ADAMTS15: variants seen among roughly 807,000 people sequenced by gnomAD.
The protein encoded by ADAMTS15 is A disintegrin and metalloproteinase with thrombospondin motifs 15.
In ADAMTS15, 35 loss-of-function variants were observed where a neutral mutation model predicts 79.1. The observed-to-expected ratio is 0.44, with a 90% CI of 0.34 to 0.59. The LOEUF (loss-of-function observed/expected upper bound fraction) is 0.59, where lower values mean the gene tolerates loss of function less well. Ranked by LOEUF, ADAMTS15 falls within the 20% of genes least tolerant of loss-of-function variation. The pLI, the probability that ADAMTS15 is intolerant of heterozygous loss-of-function variation, is 0.02. For missense variants in ADAMTS15, 1,324 were observed against 1,318.7 expected (o/e 1.00, Z -0.06); for synonymous variants, 616 against 567.3 (o/e 1.09, Z -1.22).
intron 1 of ADAMTS15, among the ~76,000 whole-genome samples, chr11:130,452,416 G>A (rs922499647): frequency 4.6e-5 from 7 of 152,304 alleles, no homozygotes; most frequent in African/African-American, 1.7e-4. Context: ...GAGCCAGAGT[G>A]TTTCTCATTT....
In ADAMTS15 at chr11:130,448,851, G is replaced by T; in HGVS notation, c.-123G>T. On this transcript the variant is annotated 5_prime_UTR_variant, in exon 1 of 8. Transcript: ENST00000299164. ...CTCCCTCCCTTGGCTCTCCTTTCTG[G>T]GAACTGCCGGCTGTCCCGTAGCGTT... The T allele has an allele frequency of 2.8e-6, 2 of 719,694 alleles. No homozygotes were observed. The highest frequency in any genetic ancestry group is 4.0e-6 in the Non-Finnish European group (2 of 505,704). 44.6% of individuals were successfully genotyped at this position (719,694 alleles called of 1,614,324 possible).
chr11:130,470,163 T>TATAC (rs1555081030), intron 5 of ADAMTS15, among the ~76,000 whole-genome samples: 6 of 55,050 alleles, frequency 1.1e-4, no homozygotes, highest in South Asian at 9.6e-4. Flanking sequence ...TGTATATATA[T>TATAC]ATATATATAT....
chr11:130,453,529 G>T (rs1383089289), intron 1 of ADAMTS15, among the ~76,000 whole-genome samples: 2 of 152,000 alleles, frequency 1.3e-5, no homozygotes, highest in East Asian at 3.9e-4. Flanking sequence ...AACTCCTGGG[G>T]TCAAGTAATA....
At position 130,473,394 on chromosome 11, in the gene ADAMTS15, C is replaced by G. The variant is rs752169369; in HGVS notation, c.2426C>G (p.Ser809Cys). The change falls in exon 8 of 8, where the codon TCC (serine) becomes TGC (cysteine). Residue 809 changes from serine to cysteine, a missense_variant. By Grantham distance (112) the Ser-to-Cys change is moderately radical. Transcript: ENST00000299164. ...CCCAAAGAGCCTCGGGAGGACAAGT[C>G]CTCTCATCCCAAGGACCCCCGGGGA... is the stretch of plus-strand genomic sequence containing the variant. The part of the protein sequence containing the change: ...YLPKEPREDK[S>C]SHPKDPRGPS... 1.2e-6 allele frequency: 2 copies of G among 1,612,810 alleles called. No individual in the cohort carries two copies. Among genetic ancestry groups the G allele is most frequent in the Non-Finnish European group, 1.7e-6 (2 of 1,179,992 alleles).
At chr11:130,467,516 TG>T (rs1353702140) in intron 4 of ADAMTS15, among the ~76,000 whole-genome samples, 2 of 152,162 alleles carry the variant, frequency 1.3e-5, no homozygotes, top group Admixed American at 1.3e-4. Flanking sequence ...TGAATAAATA[TG>T]CTGGATATGT....
intron 4 of ADAMTS15, among the ~76,000 whole-genome samples, chr11:130,464,743 G>T (rs1302918306): frequency 6.6e-6 from 1 of 152,072 alleles, no homozygotes; most frequent in Non-Finnish European, 1.5e-5. Flanking sequence ...GAGGCAAGAG[G>T]ATCCCTTGAG....
chr11:130,474,019 C>T lies in ADAMTS15; in HGVS notation c.*198C>T, dbSNP rs867900583. 1.9e-4 allele frequency: 139 copies of T among 746,280 alleles called. No homozygotes were observed. The highest frequency in any genetic ancestry group is 2.3e-4 in the Non-Finnish European group (108 of 477,424). 46.2% of individuals were successfully genotyped at this position (746,280 alleles called of 1,614,324 possible). A position where few individuals can be genotyped will look rare whatever the true frequency, so the allele number is the denominator to read the frequency against. ...GGGCAGAGGGAAGCCCAGGAACTCC[C>T]GCACAGTCTACCTCAGGCCCCGCTC... On this transcript the variant is annotated 3_prime_UTR_variant, in exon 8 of 8. Coordinates refer to ENST00000299164, the MANE Select transcript of ADAMTS15 (RefSeq NM_139055.4).
rs1938219917 is a variant in ADAMTS15, at chr11:130,462,388, A to G, written c.1259-109A>G. 1 of 1,492,598 alleles carries G rather than the reference A, an allele frequency of 6.7e-7. No homozygotes were observed. 92.5% of individuals were successfully genotyped at this position (1,492,598 alleles called of 1,614,324 possible). ...CCCCTCGGAGCCGGGCTCTGACATG[A>G]GTGCATTCCTGTTGCCCTTGGTTCA... On this transcript the variant is annotated intron_variant, in intron 3 of 7. Coordinates refer to ENST00000299164, the MANE Select transcript of ADAMTS15 (RefSeq NM_139055.4). This position sits in a 1 kb window ranked among gnomAD's most constrained non-coding sequence, Gnocchi z 4.3.
chr11:130,470,168 ATATATATATATATGTGTG>A (rs1332424126), intron 5 of ADAMTS15, among the ~76,000 whole-genome samples: 6 of 58,652 alleles, frequency 1.0e-4, no homozygotes, highest in South Asian at 4.4e-4. Context: ...ATATATATAT[ATATATATATATATGTGTG>A]TATATATATA....
At chr11:130,471,817 G>T (rs145659743) in intron 7 of ADAMTS15, among the ~76,000 whole-genome samples, 2 of 152,226 alleles carry the variant, frequency 1.3e-5, no homozygotes, top group Non-Finnish European at 1.5e-5. Context: ...GTGTGCTCTT[G>T]TGGGGAATAA....
At chr11:130,455,301 C>T (rs73044862) in intron 1 of ADAMTS15, among the ~76,000 whole-genome samples, 6,613 of 152,262 alleles carry the variant, frequency 0.043, 209 homozygotes, top group East Asian at 0.098. Context: ...TTGCCAAACT[C>T]AAGTTTGGGA....
intron 1 of ADAMTS15, among the ~76,000 whole-genome samples, chr11:130,452,362 G>A (rs1038435270): frequency 6.6e-6 from 1 of 152,180 alleles, no homozygotes; most frequent in African/African-American, 2.4e-5. Flanking sequence ...ATAACAGCAG[G>A]GTGAGGTCAG....
chr11:130,473,509 C>T lies in ADAMTS15; in HGVS notation c.2541C>T (p.Ser847=). ...DRPPARWVAG[S]WGPCSASCGS... Reference sequence around the variant, plus strand: ...CCCCTGCACGCTGGGTGGCTGGCAGCTGGGGGCCGTGCTCCGCGAGCTGCG... The same window carrying T: ...CCCCTGCACGCTGGGTGGCTGGCAGTTGGGGGCCGTGCTCCGCGAGCTGCG... Residue 847 remains serine, a synonymous_variant, in exon 8 of 8, where the codon AGC becomes AGT. Coordinates refer to ENST00000299164, the MANE Select transcript of ADAMTS15 (RefSeq NM_139055.4). The T allele has an allele frequency of 1.9e-6, 3 of 1,609,952 alleles. No homozygotes were observed. The highest frequency in any genetic ancestry group is 2.5e-6 in the Non-Finnish European group (3 of 1,178,024).
chr11:130,452,709 G>C (rs756592951), intron 1 of ADAMTS15, among the ~76,000 whole-genome samples: 1 of 152,192 alleles, frequency 6.6e-6, no homozygotes, highest in African/African-American at 2.4e-5. Flanking sequence ...TTGGCCGGGC[G>C]CAGTGGCTCA....
At chr11:130,457,535 G>A (rs575519613) in intron 1 of ADAMTS15, among the ~76,000 whole-genome samples, 30 of 152,296 alleles carry the variant, frequency 2.0e-4, no homozygotes, top group African/African-American at 6.7e-4. Flanking sequence ...TGGCCAAGAT[G>A]ATTCCAGGAT....
chr11:130,464,742 G>C (rs1010653359), intron 4 of ADAMTS15, among the ~76,000 whole-genome samples: 3 of 152,138 alleles, frequency 2.0e-5, no homozygotes, highest in Admixed American at 6.5e-5. Flanking sequence ...TGAGGCAAGA[G>C]GATCCCTTGA....
In ADAMTS15 at chr11:130,468,778, A is replaced by AT. The variant is rs1021940552; in HGVS notation, c.1543-484_1543-483insT. Among the ~76,000 whole-genome samples, 10 of 149,754 alleles carry AT rather than the reference A, an allele frequency of 6.7e-5. No homozygotes were observed. The South Asian group carries it at 1.1e-3, about 16-fold the overall frequency. On this transcript the variant is annotated intron_variant, in intron 4 of 7. Coordinates refer to ENST00000299164, the MANE Select transcript of ADAMTS15 (RefSeq NM_139055.4). ...AGACTCCATCTCAAAAAAAAAAAAA[A>AT]AAAAAATAATTAGCCGGGCATGGTA...
At chr11:130,459,002 C>T (rs765299474) in intron 1 of ADAMTS15, among the ~76,000 whole-genome samples, 8 of 140,922 alleles carry the variant, frequency 5.7e-5, no homozygotes, top group African/African-American at 1.9e-4. Flanking sequence ...AACTGCTGGT[C>T]GGGTGAAGGT....
rs758106420 is a variant in ADAMTS15, at chr11:130,462,039, C to G, written c.1091-48C>G. 2.5e-6 allele frequency: 4 copies of G among 1,569,412 alleles called. No individual in the cohort carries two copies. Among genetic ancestry groups the G allele is most frequent in the South Asian group, 1.2e-5 (1 of 86,022 alleles). On this transcript the variant is annotated intron_variant, in intron 2 of 7. Coordinates refer to ENST00000299164, the MANE Select transcript of ADAMTS15 (RefSeq NM_139055.4). This position sits in a 1 kb window ranked among gnomAD's most constrained non-coding sequence, Gnocchi z 4.3. ...CCCTGCCCCATTCCTCCCTCCAACC[C>G]CCATGTCCTTCCTCCTGCCCTCTCA...
Sources: allele counts gnomAD v4.1 joint callset (sites outside exome capture counted in the v4.1 genomes callset), GRCh38; gene constraint gnomAD v4.1.1; non-coding constraint Gnocchi (gnomAD v3.1); transcripts MANE v1.5; gene names NCBI Gene and HGNC (gene_info 2026-07-23, HGNC 2026-07-21).